Variants in DOCK11 observed in about 807,000 individuals in gnomAD.
DOCK11 encodes dedicator of cytokinesis 11.
In DOCK11, 70 loss-of-function variants were observed where a neutral mutation model predicts 169.1. That is an observed-to-expected ratio of 0.41 (90% CI 0.34 to 0.51). DOCK11 has a LOEUF of 0.51. DOCK11 is among the 20% of genes least tolerant of loss of function. The pLI is 0.10. For missense variants in DOCK11, 1,166 were observed against 1,538.8 expected (o/e 0.76, Z 4.05); for synonymous variants, 529 against 541.3 (o/e 0.98, Z 0.32).
chrX:118,604,029 T>A (rs976145566), intron 23 of DOCK11, among the ~76,000 whole-genome samples: 7 of 112,018 alleles, frequency 6.2e-5, no homozygotes, highest in African/African-American at 2.3e-4. Context: ...GGTAGAGTTA[T>A]TCTTTGTCCG....
Position 118,568,068 on chromosome X carries a change from T to A in DOCK11, c.952-11T>A, listed in dbSNP as rs989585052. ...GAAATGAAGTAACATACTTATTTTT[T>A]AAAATTTTAGTATGGAAGAGAAACT... On this transcript the variant is annotated splice_polypyrimidine_tract_variant and intron_variant, in intron 9 of 52. Transcript: ENST00000276202. The A allele has an allele frequency of 9.4e-7, 1 of 1,069,479 alleles. No individual in the cohort carries two copies. Among genetic ancestry groups the A allele is most frequent in the Non-Finnish European group, 1.3e-6 (1 of 791,752 alleles). The allele number at this position is 1,069,479 out of a possible 1,213,427, so 88.1% of individuals were successfully genotyped here. A position where few individuals can be genotyped will look rare whatever the true frequency, so the allele number is the denominator to read the frequency against.
intron 23 of DOCK11, among the ~76,000 whole-genome samples, chrX:118,600,962 T>C (rs1476575649): frequency 9.0e-6 from 1 of 111,081 alleles, no homozygotes; most frequent in Admixed American, 9.6e-5. Context: ...TTGAATTTAC[T>C]CCGAGTGAGA....
chrX:118,513,619 A>T (rs761952837), intron 1 of DOCK11, among the ~76,000 whole-genome samples: 13 of 112,019 alleles, frequency 1.2e-4, no homozygotes, highest in South Asian at 3.7e-4. Context: ...CTCAAATTTT[A>T]AAAAAAAGTG....
chrX:118,583,237 A>G (rs1309509437), intron 14 of DOCK11, among the ~76,000 whole-genome samples: 1 of 110,912 alleles, frequency 9.0e-6, no homozygotes, highest in Non-Finnish European at 1.9e-5. Context: ...ATGAGAATAC[A>G]TGGACATGGG....
At chrX:118,615,890 T>C (rs2014799555) in intron 30 of DOCK11, among the ~76,000 whole-genome samples, 179 bp downstream of exon 30, 1 of 112,242 alleles carries the variant, frequency 8.9e-6, no homozygotes, top group South Asian at 3.7e-4. Context: ...ATAATGTTCA[T>C]AGTGTGAAGA....
At chrX:118,681,818 T>C in intron 51 of DOCK11, 24 bp downstream of exon 51, 1 of 1,111,761 alleles carries the variant, frequency 9.0e-7, no homozygotes, top group South Asian at 2.0e-5. Context: ...AGTTTTCAGG[T>C]TAGACCCGTG....
At chrX:118,646,199 G>T (rs1035258567) in intron 40 of DOCK11, among the ~76,000 whole-genome samples, 1 of 111,687 alleles carries the variant, frequency 9.0e-6, no homozygotes, top group Admixed American at 9.6e-5. Context: ...TCTGAGTTGG[G>T]AAACAGTTTG....
At chrX:118,617,318 C>T (rs1215540348) in intron 30 of DOCK11, among the ~76,000 whole-genome samples, 1 of 109,057 alleles carries the variant, frequency 9.2e-6, no homozygotes, top group African/African-American at 3.4e-5. Context: ...GGTGAAATCC[C>T]GTCTCTACTA....
chrX:118,568,249 T>A (rs1226480255), intron 10 of DOCK11, 87 bp downstream of exon 10: 2 of 583,829 alleles, frequency 3.4e-6, no homozygotes, highest in African/African-American at 4.8e-5. Flanking sequence ...TCACTGTTTT[T>A]CTTGCACCAG....
chrX:118,543,726 A>G (rs1009751803), intron 4 of DOCK11, 133 bp downstream of exon 4: 15 of 444,032 alleles, frequency 3.4e-5, no homozygotes, highest in Non-Finnish European at 4.8e-5. Flanking sequence ...CGAGGCGGGC[A>G]GATCACAAGG....
chrX:118,567,944 G>C, intron 9 of DOCK11, 135 bp from the exon 10 acceptor site: 1 of 303,010 alleles, frequency 3.3e-6, no homozygotes, highest in Non-Finnish European at 5.9e-6. Context: ...TTCCTGTTTT[G>C]TACTGACTAC....
chrX:118,620,557 C>T (rs2014946770), intron 31 of DOCK11, among the ~76,000 whole-genome samples: 1 of 112,239 alleles, frequency 8.9e-6, no homozygotes, highest in African/African-American at 3.2e-5. Context: ...CTGCAGTTTG[C>T]TTTGTTTTTG....
intron 24 of DOCK11, among the ~76,000 whole-genome samples, chrX:118,607,354 A>G (rs1399477327): frequency 2.1e-4 from 21 of 101,754 alleles, no homozygotes; most frequent in African/African-American, 7.2e-4. Context: ...TGACCTCATG[A>G]TCCACCTGCC....
intron 31 of DOCK11, among the ~76,000 whole-genome samples, chrX:118,623,586 C>T (rs1288963350): frequency 8.9e-6 from 1 of 112,529 alleles, no homozygotes; most frequent in Non-Finnish European, 1.9e-5. Context: ...CTATTACTGA[C>T]GGGGTACTAT....
chrX:118,648,250 G>T, intron 40 of DOCK11, among the ~76,000 whole-genome samples: 2 of 81,968 alleles, frequency 2.4e-5, no homozygotes, highest in African/African-American at 9.2e-5. Context: ...AAAAGTAATT[G>T]CGGTTTTTGC....
intron 1 of DOCK11, among the ~76,000 whole-genome samples, chrX:118,516,411 TCC>T (rs1569404615): frequency 1.1e-4 from 4 of 36,716 alleles, no homozygotes; most frequent in African/African-American, 1.1e-3. Flanking sequence ...TCTCCTCTCC[TCC>T]CCTCCCCTCC....
intron 6 of DOCK11, among the ~76,000 whole-genome samples, chrX:118,549,431 A>G (rs765528761): frequency 1.7e-3 from 195 of 111,776 alleles, no homozygotes; most frequent in Middle Eastern, 4.6e-3. Context: ...GGTGTGAGCC[A>G]CTGTGCTCGG....
chrX:118,648,695 A>G (rs2015873995), intron 40 of DOCK11, among the ~76,000 whole-genome samples: 1 of 104,657 alleles, frequency 9.6e-6, no homozygotes, highest in Non-Finnish European at 1.9e-5. Context: ...TCTCAGATCT[A>G]TAGCATTTAT....
chrX:118,660,095 C>T (rs1238750480), intron 44 of DOCK11, among the ~76,000 whole-genome samples: 1 of 111,714 alleles, frequency 9.0e-6, no homozygotes, highest in African/African-American at 3.3e-5. Context: ...TAGTGCTGAT[C>T]AAGTGGGATG....
Sources: gnomAD v4.1 joint callset for allele counts (sites outside exome capture counted in the v4.1 genomes callset) on GRCh38, gnomAD v4.1.1 for gene constraint, MANE v1.5 for transcripts, NCBI Gene and HGNC (gene_info 2026-07-23, HGNC 2026-07-21) for gene names.